Variants in MAGI2 observed in about 807,000 individuals in gnomAD.
The protein encoded by MAGI2 is membrane associated guanylate kinase, WW and PDZ domain containing 2, also known as membrane-associated guanylate kinase, WW and PDZ domain-containing protein 2.
Under a neutral mutation model 133.3 loss-of-function variants are expected in MAGI2, and 35 were observed. The ratio of observed to expected loss-of-function variants is 0.26; its 90% CI spans 0.20 to 0.35. MAGI2 has a LOEUF of 0.35. Among genes scored for constraint, MAGI2 ranks in the 10% least tolerant of loss-of-function variants. The probability of loss-of-function intolerance (pLI) is 1.00; values close to 1 mark genes in which losing one functional copy is unlikely to be tolerated. For missense variants in MAGI2, 1,636 were observed against 1,863.4 expected (o/e 0.88, Z 2.25); for synonymous variants, 729 against 710.6 (o/e 1.03, Z -0.41).
At chr7:78,508,052 A>G (rs4730343) in intron 4 of MAGI2, among the ~76,000 whole-genome samples, 104,111 of 152,016 alleles carry the variant, frequency 0.68, 36,325 homozygotes, top group African/African-American at 0.83. Flanking sequence ...TAGCTTTTTG[A>G]CCCATGGCAA....
chr7:78,185,487 A>T, intron 13 of MAGI2, 142 bp downstream of exon 13: 1 of 510,472 alleles, frequency 2.0e-6, no homozygotes, highest in Non-Finnish European at 3.3e-6. Flanking sequence ...CTTGCTGTCT[A>T]CCTTGAATAC....
chr7:78,931,639 T>C (rs1800131459), intron 2 of MAGI2, among the ~76,000 whole-genome samples: 1 of 152,126 alleles, frequency 6.6e-6, no homozygotes, highest in East Asian at 1.9e-4. Flanking sequence ...CCTATCCTAT[T>C]GATAAGGAAC....
chr7:78,814,085 T>C (rs1380276641), intron 2 of MAGI2, among the ~76,000 whole-genome samples: 2 of 152,070 alleles, frequency 1.3e-5, no homozygotes, highest in African/African-American at 4.8e-5. Context: ...TATAAAAATA[T>C]TAAGAGAGAG....
intron 1 of MAGI2, among the ~76,000 whole-genome samples, chr7:79,244,194 AG>A (rs1429269979): frequency 6.6e-6 from 1 of 152,232 alleles, no homozygotes; most frequent in African/African-American, 2.4e-5. Context: ...AGACAGAGTA[AG>A]ATGGCTAAAC....
intron 3 of MAGI2, among the ~76,000 whole-genome samples, chr7:78,591,349 A>G (rs1803982380): frequency 6.6e-6 from 1 of 152,224 alleles, no homozygotes; most frequent in Admixed American, 6.5e-5. Flanking sequence ...TAGAGATCTC[A>G]TTAAAATACT....
rs75454534 is a variant in MAGI2 at position 78,044,043 on chromosome 7, A to G, written c.3707-24067T>C. 6.3e-3 allele frequency among the ~76,000 whole-genome samples: 964 copies of G among 152,314 alleles called. 12 individuals are homozygous for G. The highest frequency in any genetic ancestry group is 0.022 in the African/African-American group (925 of 41,566). On this transcript the variant is annotated intron_variant, in intron 21 of 21. Coordinates refer to ENST00000354212, the MANE Select transcript of MAGI2 (RefSeq NM_012301.4). ...GGGTAGCATGATTAAAGGTAAATGA[A>G]AAACCAATGGGGATAATTTGTGTTA...
At chr7:79,105,991 G>T (rs1818419727) in intron 1 of MAGI2, among the ~76,000 whole-genome samples, 1 of 151,998 alleles carries the variant, frequency 6.6e-6, no homozygotes. Context: ...CAAAAATTCA[G>T]ACTTTTAGCA....
Position 79,408,718 on chromosome 7 carries a change from G to A in MAGI2, c.301+44302C>T, listed in dbSNP as rs76612960. Among the ~76,000 whole-genome samples the A allele has an allele frequency of 8.8e-3, 1,342 of 152,034 alleles. 13 individuals carry two copies. Among genetic ancestry groups the A allele is most frequent in the African/African-American group, 0.031 (1,282 of 41,448 alleles). ...AAATCTGTGGAAGATTTTGGATGGC[G>A]TGATTTAGTCTGGGTTAAAAAAAGA... On this transcript the variant is annotated intron_variant, in intron 1 of 21. Transcript: ENST00000354212.
intron 1 of MAGI2, among the ~76,000 whole-genome samples, chr7:79,360,250 C>G (rs1249851680): frequency 6.6e-6 from 1 of 151,892 alleles, no homozygotes; most frequent in African/African-American, 2.4e-5. Context: ...CATACTAGAG[C>G]AACACAAAAA....
chr7:79,136,020 A>AGAAAGAAAGAAG (rs1821438671), intron 1 of MAGI2, among the ~76,000 whole-genome samples: 2 of 112,738 alleles, frequency 1.8e-5, no homozygotes, highest in East Asian at 5.1e-4. Context: ...AAAGAAAGAA[A>AGAAAGAAAGAAG]GAAAGAAGGA....
At chr7:79,422,400 A>G (rs1847028473) in intron 1 of MAGI2, among the ~76,000 whole-genome samples, 1 of 152,006 alleles carries the variant, frequency 6.6e-6, no homozygotes. Context: ...ATATTTAGCT[A>G]CAGAATACTT....
At position 79,144,715 on chromosome 7, in the gene MAGI2, C is replaced by A. The variant is rs187048212; in HGVS notation, c.302-137509G>T. Among the ~76,000 whole-genome samples the A allele has an allele frequency of 4.6e-5, 7 of 152,232 alleles. No individual in the cohort carries two copies. In the East Asian group the frequency reaches 1.2e-3, roughly 25 times the overall value. ...GTGACAGGCATTATTACTCTCATTTCCCACATGAAGAAACTGATGATTAAA... is the reference window on the plus strand; with the variant it reads ...GTGACAGGCATTATTACTCTCATTTACCACATGAAGAAACTGATGATTAAA... On this transcript the variant is annotated intron_variant, in intron 1 of 21. Transcript: ENST00000354212.
chr7:79,336,999 G>GA (rs3050603), intron 1 of MAGI2, among the ~76,000 whole-genome samples: 6,517 of 148,532 alleles, frequency 0.044, 216 homozygotes, highest in African/African-American at 0.084. Context: ...TTCTGTCACA[G>GA]AAAAAAAAAA....
intron 9 of MAGI2, among the ~76,000 whole-genome samples, chr7:78,281,583 C>T (rs1795586253): frequency 6.6e-6 from 1 of 152,054 alleles, no homozygotes; most frequent in African/African-American, 2.4e-5. Context: ...TAGAAATTAC[C>T]CAGTCTCAGG....
At chr7:79,144,003 G>C (rs776349415) in intron 1 of MAGI2, among the ~76,000 whole-genome samples, 1 of 152,000 alleles carries the variant, frequency 6.6e-6, no homozygotes, top group Non-Finnish European at 1.5e-5. Context: ...ACAAAATTAG[G>C]TACTTATATA....
At chr7:79,230,006 T>C (rs1292595025) in intron 1 of MAGI2, among the ~76,000 whole-genome samples, 1 of 140,094 alleles carries the variant, frequency 7.1e-6, no homozygotes, top group African/African-American at 2.7e-5. Context: ...TGTGATCTCA[T>C]TGTTCAATTC....
chr7:78,155,493 C>A (rs192106179), intron 16 of MAGI2, among the ~76,000 whole-genome samples: 125 of 152,172 alleles, frequency 8.2e-4, no homozygotes, highest in African/African-American at 2.9e-3. Context: ...GCATGGTGGT[C>A]TAAGCTACCC....
At chr7:78,593,968 C>G (rs374185546) in intron 3 of MAGI2, among the ~76,000 whole-genome samples, 1 of 152,154 alleles carries the variant, frequency 6.6e-6, no homozygotes, top group Non-Finnish European at 1.5e-5. Flanking sequence ...TTTCAACTCC[C>G]AAACATATCA....
intron 1 of MAGI2, among the ~76,000 whole-genome samples, chr7:79,119,853 G>A (rs1487228528): frequency 6.6e-6 from 1 of 152,014 alleles, no homozygotes; most frequent in African/African-American, 2.4e-5. Context: ...CAAGGCTAGG[G>A]TTTCAAAAAA....
Sources: allele counts gnomAD v4.1 joint callset (sites outside exome capture counted in the v4.1 genomes callset), GRCh38; gene constraint gnomAD v4.1.1; transcripts MANE v1.5; gene names NCBI Gene and HGNC (gene_info 2026-07-23, HGNC 2026-07-21).